Variants in LTBP1 observed in about 807,000 individuals in gnomAD.
The protein encoded by LTBP1 is latent-transforming growth factor beta-binding protein 1.
LTBP1 carries 129 observed loss-of-function variants against 207.6 expected under a neutral mutation model. The observed-to-expected ratio is 0.62, with a 90% CI of 0.54 to 0.72. LTBP1 has a LOEUF of 0.72. Among genes scored for constraint, LTBP1 ranks in the 30% least tolerant of loss-of-function variants. The pLI, the probability that LTBP1 is intolerant of heterozygous loss-of-function variation, is 0.00. For synonymous variants in LTBP1, 963 were observed against 833.7 expected (o/e 1.16, Z -2.67); for missense variants, 2,281 against 2,217.2 (o/e 1.03, Z -0.58).
intron 26 of LTBP1, among the ~76,000 whole-genome samples, chr2:33,356,619 C>T (rs919922368): frequency 6.6e-6 from 1 of 152,202 alleles, no homozygotes; most frequent in East Asian, 1.9e-4. Context: ...CACTGCACTC[C>T]AGCCTGGGCA....
intron 3 of LTBP1, among the ~76,000 whole-genome samples, chr2:33,058,279 A>G (rs1370251593): frequency 3.3e-5 from 5 of 152,232 alleles, no homozygotes; most frequent in Non-Finnish European, 7.3e-5. Flanking sequence ...TATTAATTAC[A>G]TTATTATTTC....
At chr2:33,260,684 C>T (rs2092987122) in intron 13 of LTBP1, among the ~76,000 whole-genome samples, 1 of 152,146 alleles carries the variant, frequency 6.6e-6, no homozygotes, top group Non-Finnish European at 1.5e-5. Context: ...GATATGCATA[C>T]TTTTTGTGTA....
At chr2:33,366,292 C>G (rs2094986369) in intron 31 of LTBP1, among the ~76,000 whole-genome samples, 1 of 152,146 alleles carries the variant, frequency 6.6e-6, no homozygotes, top group Admixed American at 6.5e-5. Flanking sequence ...CTAGAAAGAT[C>G]ATGTGCAAGT....
chr2:33,343,360 G>A (rs997694928), intron 25 of LTBP1, among the ~76,000 whole-genome samples: 6 of 147,902 alleles, frequency 4.1e-5, no homozygotes, highest in African/African-American at 1.3e-4. Flanking sequence ...GCAATAAGCC[G>A]TGATCATGCC....
At chr2:33,184,720 G>C (rs2148768601) in intron 5 of LTBP1, among the ~76,000 whole-genome samples, 1 of 151,190 alleles carries the variant, frequency 6.6e-6, no homozygotes, top group African/African-American at 2.4e-5. Flanking sequence ...TATACCATGA[G>C]GAATGGCATT....
At chr2:33,141,474 T>G (rs1251158593) in intron 5 of LTBP1, among the ~76,000 whole-genome samples, 4 of 152,166 alleles carry the variant, frequency 2.6e-5, no homozygotes, top group African/African-American at 9.7e-5. Context: ...AAAAATATAG[T>G]ATATGTGTAC....
intron 32 of LTBP1, among the ~76,000 whole-genome samples, chr2:33,392,477 A>C (rs2095323424): frequency 6.6e-6 from 1 of 152,164 alleles, no homozygotes; most frequent in Admixed American, 6.5e-5. Flanking sequence ...GAGACACCGC[A>C]CCGAGCCCAG....
chr2:33,047,116 G>C (rs970829599), intron 3 of LTBP1, among the ~76,000 whole-genome samples: 4 of 152,026 alleles, frequency 2.6e-5, no homozygotes, highest in African/African-American at 9.7e-5. Context: ...ATCTCCTTCA[G>C]TTCTGCTCTG....
rs779937341 is a variant in LTBP1 at position 33,315,207 on chromosome 2, G to T, written c.3668G>T (p.Gly1223Val). 3.7e-6 allele frequency: 6 copies of T among 1,613,470 alleles called. No individual in the cohort carries two copies. In the Admixed American group the frequency reaches 8.3e-5, roughly 22 times the overall value. ...CAAGGGGAGTGCCTAAACACAGAGG[G>T]TTCTTTCCATTGTGTCTGCCAGCAG... The part of the protein sequence containing the change: ...GPQGECLNTE[G>V]SFHCVCQQGF... Residue 1223 changes from glycine (G) to valine (V), a missense_variant, in exon 24 of 34, where the codon GGT (glycine) becomes GTT (valine). Coordinates refer to ENST00000404816, the MANE Select transcript of LTBP1 (RefSeq NM_206943.4).
At chr2:33,381,393 G>A (rs1205186711) in intron 31 of LTBP1, among the ~76,000 whole-genome samples, 1 of 152,164 alleles carries the variant, frequency 6.6e-6, no homozygotes, top group Admixed American at 6.5e-5. Context: ...TAACTAAAAT[G>A]AGGAGGGTAA....
chr2:32,948,405 G>A (rs1240692703), intron 1 of LTBP1, among the ~76,000 whole-genome samples: 1 of 152,124 alleles, frequency 6.6e-6, no homozygotes, highest in Non-Finnish European at 1.5e-5. Context: ...GTGCCTTCCC[G>A]TTGTGGGAAT....
intron 20 of LTBP1, among the ~76,000 whole-genome samples, chr2:33,295,632 C>T (rs6718144): frequency 1.7e-3 from 265 of 152,146 alleles, no homozygotes; most frequent in African/African-American, 5.4e-3. Flanking sequence ...CCCTAATTTT[C>T]CTTTTTATGA....
At chr2:33,171,940 T>C (rs1196206905) in intron 5 of LTBP1, among the ~76,000 whole-genome samples, 1 of 152,146 alleles carries the variant, frequency 6.6e-6, no homozygotes, top group Non-Finnish European at 1.5e-5. Context: ...TAAAATACTT[T>C]ACAGACAAGC....
chr2:33,161,362 G>A (rs1296095852), intron 5 of LTBP1, among the ~76,000 whole-genome samples: 1 of 150,718 alleles, frequency 6.6e-6, no homozygotes, highest in African/African-American at 2.4e-5. Context: ...CCACCTCCCA[G>A]GTTCAAGCAG....
intron 2 of LTBP1, among the ~76,000 whole-genome samples, chr2:32,964,032 T>A (rs941520961): frequency 5.3e-5 from 8 of 152,178 alleles, no homozygotes; most frequent in African/African-American, 1.7e-4. Context: ...AAGAACAAGC[T>A]CTTGTCTAGA....
At chr2:33,327,001 A>AT (rs1328183385) in intron 24 of LTBP1, among the ~76,000 whole-genome samples, 1 of 152,218 alleles carries the variant, frequency 6.6e-6, no homozygotes, top group Non-Finnish European at 1.5e-5. Context: ...GTTCAAAAAA[A>AT]TCAAGATGTT....
chr2:33,063,742 T>C lies in LTBP1; in HGVS notation c.863+42536T>C, dbSNP rs183354935. On this transcript the variant is annotated intron_variant, in intron 3 of 33. Transcript: ENST00000404816. ...CAATTGATGCCTTAACAATATTTAT[T>C]TTTTCAATCCATGAATATGGTATAT... Among the ~76,000 whole-genome samples, 52 of 152,314 alleles carry C rather than the reference T, an allele frequency of 3.4e-4. No homozygotes were observed. In the East Asian group the frequency reaches 7.7e-3, roughly 23 times the overall value.
intron 24 of LTBP1, among the ~76,000 whole-genome samples, chr2:33,332,064 A>T (rs143307374): frequency 6.6e-6 from 1 of 152,160 alleles, no homozygotes; most frequent in Non-Finnish European, 1.5e-5. Context: ...CAAGTTTTCA[A>T]TATTTTAAAA....
chr2:33,206,628 A>T (rs1025476850), intron 7 of LTBP1, among the ~76,000 whole-genome samples: 1 of 151,856 alleles, frequency 6.6e-6, no homozygotes, highest in Admixed American at 6.6e-5. Flanking sequence ...AGTCCCAGCT[A>T]CTCAGGAGGC....
Sources: allele counts gnomAD v4.1 joint callset (sites outside exome capture counted in the v4.1 genomes callset), GRCh38; gene constraint gnomAD v4.1.1; transcripts MANE v1.5; gene names NCBI Gene and HGNC (gene_info 2026-07-23, HGNC 2026-07-21).